ASIC2: variants seen among roughly 807,000 people sequenced by gnomAD.
ASIC2 encodes the protein acid-sensing ion channel 2.
A neutral mutation model predicts 57.3 loss-of-function variants in ASIC2; 25 were observed. That is an observed-to-expected ratio of 0.44 (90% CI 0.32 to 0.61). The LOEUF (loss-of-function observed/expected upper bound fraction) is 0.61. Among genes scored for constraint, ASIC2 ranks in the 20% least tolerant of loss-of-function variants. The probability of loss-of-function intolerance (pLI) is 0.06; values close to 1 mark genes in which losing one functional copy is unlikely to be tolerated. For synonymous variants in ASIC2, 319 were observed against 307.5 expected (o/e 1.04, Z -0.39); for missense variants, 641 against 738.1 (o/e 0.87, Z 1.52).
intron 1 of ASIC2, among the ~76,000 whole-genome samples, chr17:33,350,469 C>G (rs552753333): frequency 1.3e-5 from 2 of 152,210 alleles, no homozygotes; most frequent in South Asian, 4.2e-4. Context: ...CATCCGAGGT[C>G]AGGAGTTTGA....
In ASIC2 at chr17:34,010,285, T is replaced by C. The variant is rs555789430; in HGVS notation, c.555+145693A>G. Among the ~76,000 whole-genome samples, 3 of 152,250 alleles carry C rather than the reference T, an allele frequency of 2.0e-5. No homozygotes were observed. In the East Asian group the frequency reaches 5.8e-4, roughly 29 times the overall value. ...CCTTTGAGTTCAGACTGTGGAACAA[T>C]TTTGATATAACCCAAATGAGCACTG... On this transcript the variant is annotated intron_variant, in intron 1 of 9. Transcript: ENST00000359872.
chr17:33,417,525 T>C (rs1457462025), intron 1 of ASIC2, among the ~76,000 whole-genome samples: 1 of 152,226 alleles, frequency 6.6e-6, no homozygotes. Context: ...GATCTTGTCC[T>C]CTTTGAGGCT....
intron 1 of ASIC2, among the ~76,000 whole-genome samples, chr17:33,822,640 G>C (rs1437783996): frequency 6.6e-6 from 1 of 152,166 alleles, no homozygotes; most frequent in East Asian, 1.9e-4. Context: ...CAATAACTAT[G>C]TTTATTCTTG....
At chr17:33,106,090 G>A (rs2092233253) in intron 2 of ASIC2, among the ~76,000 whole-genome samples, 1 of 152,136 alleles carries the variant, frequency 6.6e-6, no homozygotes, top group Non-Finnish European at 1.5e-5. Flanking sequence ...GTGGATATGT[G>A]AGCAAGGAGA....
intron 1 of ASIC2, among the ~76,000 whole-genome samples, chr17:33,123,944 T>A (rs771147955): frequency 5.9e-5 from 9 of 152,246 alleles, no homozygotes; most frequent in Admixed American, 6.5e-5. Flanking sequence ...AGGGCTGCAT[T>A]GAAAGCGATG....
At chr17:33,568,601 A>G (rs1041874051) in intron 1 of ASIC2, among the ~76,000 whole-genome samples, 1 of 152,152 alleles carries the variant, frequency 6.6e-6, no homozygotes, top group African/African-American at 2.4e-5. Flanking sequence ...AGAGTTAATC[A>G]TTCATCCCTT....
intron 3 of ASIC2, among the ~76,000 whole-genome samples, chr17:33,061,111 G>C (rs926462960): frequency 4.6e-5 from 7 of 152,116 alleles, no homozygotes; most frequent in African/African-American, 1.7e-4. Flanking sequence ...CTGCAAACAG[G>C]GACAATTTGA....
chr17:33,788,632 C>T (rs1046687390), intron 1 of ASIC2, among the ~76,000 whole-genome samples: 27 of 152,104 alleles, frequency 1.8e-4, no homozygotes, highest in African/African-American at 6.3e-4. Flanking sequence ...TTTACAATAG[C>T]AAAGACTTGG....
intron 1 of ASIC2, among the ~76,000 whole-genome samples, chr17:34,020,247 G>A (rs181364041): frequency 6.6e-6 from 1 of 152,252 alleles, no homozygotes; most frequent in East Asian, 1.9e-4. Flanking sequence ...AGTAGACCTG[G>A]CTCAATAAAT....
At chr17:33,175,858 A>G (rs1401157102) in intron 1 of ASIC2, among the ~76,000 whole-genome samples, 1 of 152,058 alleles carries the variant, frequency 6.6e-6, no homozygotes, top group Non-Finnish European at 1.5e-5. Context: ...GGCCAAGATC[A>G]ACCTTTCTAA....
intron 1 of ASIC2, among the ~76,000 whole-genome samples, chr17:33,895,508 T>C (rs1473654693): frequency 6.6e-6 from 1 of 152,220 alleles, no homozygotes; most frequent in East Asian, 1.9e-4. Context: ...TGAAGCAGCA[T>C]GGCCTGCCAT....
Position 33,013,837 on chromosome 17 carries a change from A to G in ASIC2, c.*128T>C, listed in dbSNP as rs1260622023. On this transcript the variant is annotated 3_prime_UTR_variant, in exon 10 of 10. Transcript: ENST00000225823. ...AGCGAGGTCTAGGCAGCTAGTCTGCAATGTGTGCATAGGGGGCTCTTGCTT... is the reference window on the plus strand; with the variant it reads ...AGCGAGGTCTAGGCAGCTAGTCTGCGATGTGTGCATAGGGGGCTCTTGCTT... 1.5e-5 allele frequency: 12 copies of G among 809,068 alleles called. No homozygotes were observed. Among genetic ancestry groups the G allele is most frequent in the Admixed American group, 2.3e-5 (1 of 44,418 alleles). 50.1% of individuals were successfully genotyped at this position (809,068 alleles called of 1,614,324 possible).
chr17:33,301,455 G>T (rs1183921635), intron 1 of ASIC2, among the ~76,000 whole-genome samples: 1 of 152,134 alleles, frequency 6.6e-6, no homozygotes, highest in African/African-American at 2.4e-5. Context: ...GTCTGTGGCT[G>T]GGATTCAAAC....
intron 1 of ASIC2, among the ~76,000 whole-genome samples, chr17:33,523,469 G>A (rs1914801548): frequency 6.6e-6 from 1 of 152,114 alleles, no homozygotes; most frequent in South Asian, 2.1e-4. Flanking sequence ...ATATTGCCCA[G>A]GCTAGTCTCG....
At chr17:34,013,885 G>T (rs1906857190) in intron 1 of ASIC2, among the ~76,000 whole-genome samples, 1 of 152,196 alleles carries the variant, frequency 6.6e-6, no homozygotes, top group South Asian at 2.1e-4. Flanking sequence ...GCAGCCCTCA[G>T]TGTGCCTGGC....
At chr17:33,639,761 G>GGA (rs377386208) in intron 1 of ASIC2, among the ~76,000 whole-genome samples, 7 of 125,140 alleles carry the variant, frequency 5.6e-5, no homozygotes, top group African/African-American at 1.6e-4. Context: ...CTCAGGTTAA[G>GGA]AAAAAAAAAA....
At chr17:33,809,185 G>T (rs1246983904) in intron 1 of ASIC2, among the ~76,000 whole-genome samples, 1 of 152,130 alleles carries the variant, frequency 6.6e-6, no homozygotes, top group Non-Finnish European at 1.5e-5. Flanking sequence ...CTGTGCACTG[G>T]CTTTGTCTGA....
chr17:34,138,298 A>G (rs972672516), intron 1 of ASIC2, among the ~76,000 whole-genome samples: 1 of 152,244 alleles, frequency 6.6e-6, no homozygotes, highest in Non-Finnish European at 1.5e-5. Context: ...ATTGCCTGGC[A>G]CATAGCCAAT....
intron 1 of ASIC2, among the ~76,000 whole-genome samples, chr17:33,494,551 A>C (rs1913866651): frequency 6.6e-6 from 1 of 152,212 alleles, no homozygotes. Flanking sequence ...ATGGAGTCGC[A>C]GGAAGTGCAC....
Sources: allele counts gnomAD v4.1 joint callset (sites outside exome capture counted in the v4.1 genomes callset), GRCh38; gene constraint gnomAD v4.1.1; transcripts MANE v1.5; gene names NCBI Gene and HGNC (gene_info 2026-07-23, HGNC 2026-07-21).